Variants in NEXMIF observed in about 807,000 individuals in gnomAD.
NEXMIF encodes neurite extension and migration factor.
NEXMIF carries 8 observed loss-of-function variants against 62.1 expected under a neutral mutation model. The observed-to-expected ratio is 0.13, with a 90% confidence interval of 0.08 to 0.23. NEXMIF has a LOEUF of 0.23. Ranked by LOEUF, NEXMIF falls within the 10% of genes least tolerant of loss-of-function variation. The probability of loss-of-function intolerance (pLI) is 1.00; values close to 1 mark genes in which losing one functional copy is unlikely to be tolerated. For missense variants in NEXMIF, 976 were observed against 1,113.3 expected, an observed-to-expected ratio of 0.88 and a Z score of 1.75; for synonymous variants, 404 against 416.6, an observed-to-expected ratio of 0.97 and a Z score of 0.37.
chrX:74,890,510 C>T (rs760570735), intron 1 of NEXMIF, among the ~76,000 whole-genome samples: 1 of 111,116 alleles, frequency 9.0e-6, no homozygotes, highest in Non-Finnish European at 1.9e-5. Context: ...AGAGAAACTC[C>T]AATATTAAAT....
intron 1 of NEXMIF, among the ~76,000 whole-genome samples, chrX:74,751,711 TTTCC>T (rs1281767549): frequency 5.0e-5 from 4 of 79,266 alleles, no homozygotes; most frequent in Non-Finnish European, 7.1e-5. Context: ...CCTTCCTTCC[TTTCC>T]TTCCTTCCTT....
Position 74,743,147 on chromosome X carries a change from G to C in NEXMIF, c.1410C>G (p.Gly470=). Residue 470 remains glycine, a synonymous_variant, in exon 3 of 4, where the codon GGC becomes GGG. Transcript: ENST00000055682. ...CATAGTTCTGTTGGGAGGAGGAGCT[G>C]CCAGAATTAGTGTCCCGAGCCATAT... is the stretch of plus-strand genomic sequence containing the variant. The part of the protein sequence containing the change: ...SRYMARDTNS[G]SSSSQQNYGL... The C allele has an allele frequency of 9.1e-6, 11 of 1,210,861 alleles. No individual in the cohort carries two copies. Among genetic ancestry groups the C allele is most frequent in the Non-Finnish European group, 1.2e-5 (11 of 895,232 alleles).
At chrX:74,924,418 T>G (rs890632321) in intron 1 of NEXMIF, among the ~76,000 whole-genome samples, 3 of 113,317 alleles carry the variant, frequency 2.6e-5, no homozygotes, top group African/African-American at 9.6e-5. Flanking sequence ...CCGCCCGGCT[T>G]CGCACCTTTG....
chrX:74,780,133 C>T (rs1188349563), intron 1 of NEXMIF, among the ~76,000 whole-genome samples: 1 of 112,263 alleles, frequency 8.9e-6, no homozygotes, highest in East Asian at 2.8e-4. Flanking sequence ...AATCTAACCA[C>T]ATTCAAGTGA....
At chrX:74,802,723 G>A (rs1190581835) in intron 1 of NEXMIF, among the ~76,000 whole-genome samples, 1 of 110,661 alleles carries the variant, frequency 9.0e-6, no homozygotes, top group Admixed American at 9.6e-5. Context: ...ATAAGGCACC[G>A]GGGACCAATG....
chrX:74,924,182 T>G, intron 1 of NEXMIF, among the ~76,000 whole-genome samples: 1 of 109,349 alleles, frequency 9.1e-6, no homozygotes, highest in Non-Finnish European at 1.9e-5. Context: ...CCCTACAGGG[T>G]GTACAAGACG....
Position 74,888,058 on chromosome X carries a change from A to C in NEXMIF, c.-48+36825T>G, listed in dbSNP as rs185922463. On this transcript the variant is annotated intron_variant, in intron 1 of 3. Coordinates refer to ENST00000055682, the MANE Select transcript of NEXMIF (RefSeq NM_001008537.3). ...ACAAGGACAAAAAACCAAACACGGC[A>C]TGTTCTCACTCATAGGTGGGAACTG... Among the ~76,000 whole-genome samples the C allele has an allele frequency of 7.1e-4, 78 of 110,136 alleles. No homozygotes were observed. In the East Asian group the frequency reaches 0.02, roughly 28 times the overall value.
At chrX:74,761,087 C>T (rs902019684) in intron 1 of NEXMIF, among the ~76,000 whole-genome samples, 10 of 109,761 alleles carry the variant, frequency 9.1e-5, no homozygotes, top group Middle Eastern at 4.6e-3. Flanking sequence ...TCAGGCTGGT[C>T]GTGAGCTCCT....
intron 1 of NEXMIF, among the ~76,000 whole-genome samples, chrX:74,757,206 G>A (rs1379353982): frequency 8.0e-5 from 9 of 112,390 alleles, no homozygotes; most frequent in Non-Finnish European, 5.6e-5. Flanking sequence ...CAAGTGCTCA[G>A]TAATCACCTG....
Position 74,742,266 on chromosome X carries a change from A to G in NEXMIF, c.2291T>C (p.Ile764Thr), listed in dbSNP as rs1457721917. 1.7e-6 allele frequency: 2 copies of G among 1,211,823 alleles called. No individual in the cohort carries two copies. The highest frequency in any genetic ancestry group is 1.7e-5 in the African/African-American group (1 of 57,893). The stretch of plus-strand genomic sequence containing the variant: ...ACGGGAACTGTTTGATGTCCCAGGA[A>G]TAACTTCATTCTTTAAATTAGCCTT... The part of the protein sequence containing the change: ...SSKANLKNEV[I>T]PGTSNSSRLS... Residue 764 changes from isoleucine (I) to threonine (T), a missense_variant, in exon 3 of 4, where the codon ATT (isoleucine) becomes ACT (threonine). By Grantham distance (89) the Ile-to-Thr change is moderately conservative (BLOSUM62 -1). Around this residue, in one of 5 missense-constraint regions of NEXMIF, gnomAD observed 639 missense variants for 694.5 expected, o/e 0.92. Transcript: ENST00000055682.
rs1404043155 is a variant in NEXMIF at position 74,742,771 on chromosome X, T to C, written c.1786A>G (p.Asn596Asp). The change falls in exon 3 of 4, where the codon AAC becomes GAC. Residue 596 changes from asparagine (N) to aspartate (D), a missense_variant. By Grantham distance (23) the Asn-to-Asp change is conservative. This residue lies in a region of NEXMIF where 639 missense variants were observed against 694.5 expected (regional missense o/e 0.92). Coordinates refer to ENST00000055682, the MANE Select transcript of NEXMIF (RefSeq NM_001008537.3). ...GTCTTGATGGAGTCCGTGTTGGTGT[T>C]TCTCTGCTTCTTCTTCTTTTGCCAG... ...GFWQKKKKQR[N>D]TNTDSIKTPF... 2.5e-6 allele frequency: 3 copies of C among 1,209,342 alleles called. No homozygotes were observed. The highest frequency in any genetic ancestry group is 3.4e-6 in the Non-Finnish European group (3 of 895,121).
At chrX:74,790,257 C>G (rs1437038549) in intron 1 of NEXMIF, among the ~76,000 whole-genome samples, 11 of 109,307 alleles carry the variant, frequency 1.0e-4, no homozygotes, top group African/African-American at 3.3e-4. Flanking sequence ...GCTTGTTTTT[C>G]TCAGGTTTGT....
chrX:74,762,477 C>T (rs1293885594), intron 1 of NEXMIF, among the ~76,000 whole-genome samples: 3 of 111,072 alleles, frequency 2.7e-5, no homozygotes, highest in Non-Finnish European at 5.7e-5. Flanking sequence ...GGGTATATAC[C>T]CAGTTATGGG....
At chrX:74,793,389 C>T (rs1386485585) in intron 1 of NEXMIF, among the ~76,000 whole-genome samples, 40 of 108,150 alleles carry the variant, frequency 3.7e-4, no homozygotes, top group Admixed American at 3.0e-3. Flanking sequence ...CCCGACCTTT[C>T]TCTCTGGCTG....
chrX:74,811,405 C>T (rs920940481), intron 1 of NEXMIF, among the ~76,000 whole-genome samples: 2 of 112,111 alleles, frequency 1.8e-5, no homozygotes, highest in South Asian at 3.7e-4. Context: ...CATAAGAAAA[C>T]GTCCCACTTG....
intron 1 of NEXMIF, among the ~76,000 whole-genome samples, chrX:74,787,139 C>T (rs1350280870): frequency 1.5e-4 from 16 of 105,927 alleles, no homozygotes; most frequent in African/African-American, 4.8e-4. Context: ...AAAAATTAGC[C>T]AGGCGTGGTG....
At position 74,807,229 on chromosome X, in the gene NEXMIF, G is replaced by T. The variant is rs762276198; in HGVS notation, c.-47-61532C>A. 6.3e-5 allele frequency among the ~76,000 whole-genome samples: 7 copies of T among 111,632 alleles called. No homozygotes were observed. The South Asian group carries it at 1.5e-3, about 24-fold the overall frequency. ...CTTTGATTTTTTTCATCAGAGTTTTGTAGTTTCCCTCATATAGATTTTGTA... is the reference window on the plus strand; with the variant it reads ...CTTTGATTTTTTTCATCAGAGTTTTTTAGTTTCCCTCATATAGATTTTGTA... On this transcript the variant is annotated intron_variant, in intron 1 of 3. Coordinates refer to ENST00000055682, the MANE Select transcript of NEXMIF (RefSeq NM_001008537.3).
chrX:74,791,190 T>C (rs2080281088), intron 1 of NEXMIF, among the ~76,000 whole-genome samples: 1 of 111,623 alleles, frequency 9.0e-6, no homozygotes, highest in Non-Finnish European at 1.9e-5. Flanking sequence ...GCGTGAATGG[T>C]TGTTGAATTT....
chrX:74,811,542 A>G (rs1285713963), intron 1 of NEXMIF, among the ~76,000 whole-genome samples: 1 of 112,645 alleles, frequency 8.9e-6, no homozygotes, highest in Non-Finnish European at 1.9e-5. Flanking sequence ...TATCAGCTTA[A>G]AATATTCACT....
Sources: allele counts gnomAD v4.1 joint callset (sites outside exome capture counted in the v4.1 genomes callset), GRCh38; gene constraint gnomAD v4.1.1; regional missense constraint gnomAD v4.1.1; transcripts MANE v1.5; gene names NCBI Gene and HGNC (gene_info 2026-07-23, HGNC 2026-07-21).